The following NEB variants were observed in gnomAD, a reference collection of about 807,000 sequenced individuals.
NEB encodes nebulin.
Under a neutral mutation model 952.2 loss-of-function variants are expected in NEB, and 512 were observed. The observed-to-expected ratio is 0.54, with a 90% confidence interval of 0.50 to 0.58. The LOEUF (loss-of-function observed/expected upper bound fraction) is 0.58. NEB is among the 20% of genes least tolerant of loss of function. NEB has a pLI of 0.00. For missense variants in NEB, 8,428 were observed against 9,231.1 expected, an observed-to-expected ratio of 0.91 and a Z score of 3.56; for synonymous variants, 2,900 against 3,149.8, an observed-to-expected ratio of 0.92 and a Z score of 2.66.
intron 84 of NEB, among the ~76,000 whole-genome samples, chr2:151,605,933 G>C (rs2153950065): frequency 9.8e-6 from 1 of 102,462 alleles, no homozygotes. Flanking sequence ...CTCCTGAGTA[G>C]CTGGGATTAC....
chr2:151,718,681 C>A (rs1038664724), intron 9 of NEB, among the ~76,000 whole-genome samples: 1 of 152,146 alleles, frequency 6.6e-6, no homozygotes, highest in African/African-American at 2.4e-5. Flanking sequence ...TCCTTTTGCA[C>A]CCAGCTCTCT....
intron 39 of NEB, among the ~76,000 whole-genome samples, chr2:151,668,756 T>C (rs2099250488): frequency 6.6e-6 from 1 of 152,170 alleles, no homozygotes; most frequent in African/African-American, 2.4e-5. Context: ...ATCTTGTCTG[T>C]CTCATGTTCC....
At chr2:151,490,263 A>C (rs1180763609) in intron 180 of NEB, 109 bp downstream of exon 180, 80 of 1,377,202 alleles carry the variant, frequency 5.8e-5, no homozygotes, top group Non-Finnish European at 7.8e-5. Context: ...TCATTAAAGG[A>C]AAGGATGAAA....
chr2:151,638,747 C>G (rs889976770), intron 63 of NEB, among the ~76,000 whole-genome samples: 19 of 152,064 alleles, frequency 1.2e-4, no homozygotes, highest in Non-Finnish European at 2.1e-4. Flanking sequence ...GCCCTGTGCA[C>G]ACTGAAAGTG....
chr2:151,531,776 T>C lies in NEB; in HGVS notation c.21522+16A>G, dbSNP rs777195638. ...CCCCTGAGTTTGAGAAGGTATTCAGTGTTTCTTGCACTTACATCGCTGATT... is the reference window on the plus strand; with the variant it reads ...CCCCTGAGTTTGAGAAGGTATTCAGCGTTTCTTGCACTTACATCGCTGATT... On this transcript the variant is annotated intron_variant, in intron 144 of 181. Transcript: ENST00000397345. 7.0e-6 allele frequency: 11 copies of C among 1,577,064 alleles called. No individual in the cohort carries two copies. In the African/African-American group the frequency reaches 1.3e-4, roughly 19 times the overall value.
chr2:151,494,916 G>A (rs1335536388), intron 173 of NEB: 1 of 153,376 alleles, frequency 6.5e-6, no homozygotes, highest in Non-Finnish European at 1.4e-5. Context: ...CCAAAGTGCT[G>A]GGATTACAGG....
At chr2:151,498,811 CAG>C (rs1491105148) in intron 169 of NEB, among the ~76,000 whole-genome samples, 3 of 151,726 alleles carry the variant, frequency 2.0e-5, no homozygotes, top group Non-Finnish European at 4.4e-5. Flanking sequence ...CAAAAGAAGT[CAG>C]AGTATTTAAT....
intron 77 of NEB, 86 bp downstream of exon 77, chr2:151,614,190 T>A: frequency 1.3e-6 from 2 of 1,482,062 alleles, no homozygotes; most frequent in East Asian, 4.6e-5. Context: ...GTCTGTAGGT[T>A]TCACCAGACT....
intron 39 of NEB, among the ~76,000 whole-genome samples, chr2:151,668,767 ATTT>A (rs547049780): frequency 6.7e-6 from 1 of 149,424 alleles, no homozygotes; most frequent in East Asian, 2.0e-4. Flanking sequence ...CTCATGTTCC[ATTT>A]TTTTTTTAAA....
In NEB at chr2:151,690,773, G is replaced by A. The variant is rs570134110; in HGVS notation, c.2264C>T (p.Ser755Phe). Residue 755 changes from serine to phenylalanine, a missense_variant, in exon 24 of 182, where the codon TCT (serine) becomes TTT (phenylalanine). Physicochemically the swap from Ser to Phe is radical, Grantham distance 155. Around this residue, in one of 11 missense-constraint regions of NEB, gnomAD observed 2,851 missense variants for 2,791.5 expected, o/e 1.02. Transcript: ENST00000397345. ...DKTKFTAVTD[S>F]PVLLQAQLNT... ...GAGCTGGGCTTGCAACAGTACAGGA[G>A]AATCAGTGACTGCCGTGAATTTGGT... The A allele has an allele frequency of 1.1e-5, 17 of 1,599,728 alleles. No individual in the cohort carries two copies. The Middle Eastern group carries it at 1.3e-3, about 125-fold the overall frequency.
rs2096804809 is a variant in NEB, at chr2:151,575,722, A to G, written c.16986T>C (p.Ala5662=). ...IMPDTPEINL[A]RANALNVSNK... ...TGCTCACATTAAGAGCATTTGCTCT[A>G]GCGAGATTAATTTCTGGAGTATCTG... Residue 5662 remains alanine (A), a synonymous_variant, in exon 107 of 182, where the codon GCT becomes GCC. Coordinates refer to ENST00000397345, the MANE Select transcript of NEB (RefSeq NM_001164508.2). 1 of 1,606,800 alleles carries G rather than the reference A, an allele frequency of 6.2e-7. No homozygotes were observed. Among genetic ancestry groups the G allele is most frequent in the Non-Finnish European group, 8.5e-7 (1 of 1,173,294 alleles).
At position 151,611,431 on chromosome 2, in the gene NEB, T is replaced by C. The variant is rs150556274; in HGVS notation, c.11806-565A>G. On this transcript the variant is annotated intron_variant, in intron 78 of 181. Transcript: ENST00000397345. ...CTGTTATCATTGTGGTTGCTGTTGA[T>C]GGATATAGTATAAAAGAGTTTCTAG... Among the ~76,000 whole-genome samples the C allele has an allele frequency of 5.9e-3, 895 of 152,320 alleles. 5 individuals are homozygous for C. Among genetic ancestry groups the C allele is most frequent in the Non-Finnish European group, 9.4e-3 (640 of 68,014 alleles).
intron 142 of NEB, among the ~76,000 whole-genome samples, chr2:151,534,036 T>C (rs1254195828): frequency 6.6e-6 from 1 of 152,210 alleles, no homozygotes; most frequent in Non-Finnish European, 1.5e-5. Flanking sequence ...ACACAGAGCA[T>C]GGACTGGCAC....
intron 62 of NEB, 82 bp from the exon 63 acceptor site, chr2:151,639,466 T>A: frequency 2.0e-6 from 2 of 1,021,848 alleles, no homozygotes; most frequent in African/African-American, 1.6e-5. Context: ...AAAAACTTTA[T>A]AAAAAAAAAG....
At position 151,519,058 on chromosome 2, in the gene NEB, C is replaced by T; in HGVS notation, c.22602G>A (p.Lys7534=). ...ANNLASEVKY[K]ADLKKLHKPV... Reference sequence around the variant, plus strand: ...GTTTGTGAAGTTTCTTCAGGTCAGCCTTGTATTTAACCTGTGTGTTATGGG... The same window carrying T: ...GTTTGTGAAGTTTCTTCAGGTCAGCTTTGTATTTAACCTGTGTGTTATGGG... The change falls in exon 155 of 182, where the codon AAG becomes AAA. Residue 7534 remains lysine (K), a synonymous_variant. Coordinates refer to ENST00000397345, the MANE Select transcript of NEB (RefSeq NM_001164508.2). 6.2e-7 allele frequency: 1 copy of T among 1,609,446 alleles called. No individual in the cohort carries two copies. The highest frequency in any genetic ancestry group is 8.5e-7 in the Non-Finnish European group (1 of 1,175,888).
chr2:151,661,069 G>A lies in NEB; in HGVS notation c.5970+1066C>T, dbSNP rs560832815. Among the ~76,000 whole-genome samples, 28 of 152,206 alleles carry A rather than the reference G, an allele frequency of 1.8e-4. No individual in the cohort carries two copies. In the East Asian group the frequency reaches 4.6e-3, roughly 25 times the overall value. ...CTAGTCCAGACCCTGCTGTTGACCC[G>A]CTGTGTGGGAGGTGCTTTGCTTCTC... On this transcript the variant is annotated intron_variant, in intron 46 of 181. Transcript: ENST00000397345.
intron 60 of NEB, among the ~76,000 whole-genome samples, chr2:151,641,112 T>C (rs560249971): frequency 3.7e-4 from 57 of 152,244 alleles, no homozygotes; most frequent in African/African-American, 1.3e-3. Context: ...CAATAAAAAT[T>C]ATCTTTGCCT....
rs756715032 is a variant in NEB, at chr2:151,538,263, C to T, written c.20893-19G>A. The T allele has an allele frequency of 2.6e-6, 4 of 1,545,208 alleles. No individual in the cohort carries two copies. Among genetic ancestry groups the T allele is most frequent in the East Asian group, 4.5e-5 (2 of 44,506 alleles). On this transcript the variant is annotated intron_variant, in intron 138 of 181. Transcript: ENST00000397345. The stretch of plus-strand genomic sequence containing the variant: ...AGCGTAGCTAGAAAGAGAAAAAACA[C>T]ATGAATTACAAAAAAACTACCAAGT...
intron 114 of NEB, among the ~76,000 whole-genome samples, chr2:151,566,622 G>T (rs2153735015): frequency 6.6e-6 from 1 of 152,288 alleles, no homozygotes; most frequent in Admixed American, 6.5e-5. Context: ...TGGGAGGTAG[G>T]TTATGTCTTA....
Sources: gnomAD v4.1 joint callset for allele counts (sites outside exome capture counted in the v4.1 genomes callset) on GRCh38, gnomAD v4.1.1 for gene constraint, gnomAD v4.1.1 regional missense constraint, MANE v1.5 for transcripts, NCBI Gene and HGNC (gene_info 2026-07-23, HGNC 2026-07-21) for gene names.